PRIM2: variants seen among roughly 807,000 people sequenced by gnomAD.
The protein encoded by PRIM2 is DNA primase subunit 2, also known as DNA primase large subunit.
In PRIM2, 39 loss-of-function variants were observed where a neutral mutation model predicts 67.3. The ratio of observed to expected loss-of-function variants is 0.58; its 90% CI spans 0.45 to 0.76. PRIM2 has a LOEUF of 0.76. Ranked by LOEUF, PRIM2 falls within the 30% of genes least tolerant of loss-of-function variation. The pLI is 0.00. For missense variants in PRIM2, 398 were observed against 598.7 expected (o/e 0.66, Z 3.50); for synonymous variants, 143 against 198.7 (o/e 0.72, Z 2.36).
intron 7 of PRIM2, among the ~76,000 whole-genome samples, chr6:57,486,274 A>T (rs1162584886): frequency 1.3e-5 from 2 of 152,114 alleles, no homozygotes; most frequent in Non-Finnish European, 2.9e-5. Flanking sequence ...CCATTTATGC[A>T]TAGTGTTCCA....
intron 13 of PRIM2, among the ~76,000 whole-genome samples, chr6:57,635,644 T>A (rs1479494861): frequency 1.3e-5 from 2 of 152,192 alleles, no homozygotes; most frequent in African/African-American, 4.8e-5. Flanking sequence ...AGAGAAATCT[T>A]ATTAAAACTT....
intron 10 of PRIM2, among the ~76,000 whole-genome samples, chr6:57,586,182 A>G (rs1158478764): frequency 3.9e-5 from 6 of 152,362 alleles, no homozygotes; most frequent in African/African-American, 1.4e-4. Flanking sequence ...AGCGAGATCC[A>G]TTCCAGTTGG....
At chr6:57,473,096 C>G (rs1260731976) in intron 7 of PRIM2, among the ~76,000 whole-genome samples, 1 of 152,194 alleles carries the variant, frequency 6.6e-6, no homozygotes, top group African/African-American at 2.4e-5. Context: ...TAAATTCTCC[C>G]TTTGAAGAAG....
At chr6:57,577,334 G>A (rs1775981348) in intron 10 of PRIM2, among the ~76,000 whole-genome samples, 1 of 151,872 alleles carries the variant, frequency 6.6e-6, no homozygotes. Flanking sequence ...TTCCTAGGCT[G>A]TAAAATAGGG....
chr6:57,428,434 AT>A (rs1771704067), intron 7 of PRIM2, among the ~76,000 whole-genome samples: 1 of 152,234 alleles, frequency 6.6e-6, no homozygotes, highest in African/African-American at 2.4e-5. Flanking sequence ...TCAAATCCTC[AT>A]GTAAATATAC....
intron 11 of PRIM2, among the ~76,000 whole-genome samples, chr6:57,602,196 A>G (rs1185611451): frequency 2.0e-5 from 3 of 151,670 alleles, no homozygotes; most frequent in Non-Finnish European, 2.9e-5. Context: ...TGTAGCTAGG[A>G]TTACAGGCAC....
At chr6:57,336,579 T>G (rs1013007066) in intron 5 of PRIM2, among the ~76,000 whole-genome samples, 3 of 152,100 alleles carry the variant, frequency 2.0e-5, no homozygotes, top group African/African-American at 7.2e-5. Context: ...AAAAGAATTT[T>G]CAACCCAGAA....
the PRIM2 span, among the ~76,000 whole-genome samples, chr6:57,269,514 T>C: frequency 2.0e-3 from 312 of 152,358 alleles, no homozygotes; most frequent in Non-Finnish European, 5.4e-4. Flanking sequence ...GAGTTCATTG[T>C]AGATTCTGGA....
intron 9 of PRIM2, among the ~76,000 whole-genome samples, chr6:57,533,169 G>A (rs1774928556): frequency 6.6e-6 from 1 of 151,830 alleles, no homozygotes. Flanking sequence ...ATCCAGTGTA[G>A]GCTACGAGAT....
intron 5 of PRIM2, among the ~76,000 whole-genome samples, chr6:57,359,389 A>G (rs1451235049): frequency 6.6e-6 from 1 of 152,234 alleles, no homozygotes; most frequent in Non-Finnish European, 1.5e-5. Flanking sequence ...TCACGGTGCC[A>G]TACATGAGAG....
chr6:57,352,494 C>T (rs1768889373), intron 5 of PRIM2, among the ~76,000 whole-genome samples: 1 of 152,164 alleles, frequency 6.6e-6, no homozygotes, highest in Non-Finnish European at 1.5e-5. Flanking sequence ...CTGCTTCGGC[C>T]TCCCAAAGAG....
At chr6:57,620,840 C>G (rs1327899547) in intron 12 of PRIM2, among the ~76,000 whole-genome samples, 3 of 152,264 alleles carry the variant, frequency 2.0e-5, no homozygotes, top group Non-Finnish European at 4.4e-5. Context: ...GGAGACTAAC[C>G]TAACACATAA....
chr6:57,449,272 GA>G (rs1772459198), intron 7 of PRIM2, among the ~76,000 whole-genome samples: 1 of 152,050 alleles, frequency 6.6e-6, no homozygotes, highest in Non-Finnish European at 1.5e-5. Flanking sequence ...AAAGAATTAT[GA>G]TCAAATAATT....
At chr6:57,470,693 T>C (rs1773317307) in intron 7 of PRIM2, among the ~76,000 whole-genome samples, 1 of 151,942 alleles carries the variant, frequency 6.6e-6, no homozygotes, top group Non-Finnish European at 1.5e-5. Context: ...TGGTAGATAT[T>C]CTAATTTGGT....
chr6:57,603,589 T>C (rs1206608014), intron 11 of PRIM2, among the ~76,000 whole-genome samples: 3 of 152,052 alleles, frequency 2.0e-5, no homozygotes, highest in Non-Finnish European at 2.9e-5. Context: ...AATAGCCTTA[T>C]AGTATAGTTT....
chr6:57,546,500 GA>G (rs1212030652), intron 10 of PRIM2, among the ~76,000 whole-genome samples: 2 of 151,598 alleles, frequency 1.3e-5, no homozygotes, highest in East Asian at 3.9e-4. Flanking sequence ...GGAATGAGGG[GA>G]AAGTACACAA....
intron 7 of PRIM2, among the ~76,000 whole-genome samples, chr6:57,462,269 C>A (rs1773033863): frequency 2.0e-5 from 3 of 152,132 alleles, no homozygotes; most frequent in Admixed American, 2.0e-4. Context: ...CCTATCTCTA[C>A]AAAAATCGAG....
upstream of PRIM2, among the ~76,000 whole-genome samples, chr6:57,310,491 T>C (rs1398214599): frequency 2.0e-5 from 3 of 152,370 alleles, no homozygotes; most frequent in Non-Finnish European, 2.9e-5. Context: ...CTCTTTCTTT[T>C]CCCCGCATTT....
Position 57,471,077 on chromosome 6 carries a change from T to TAAAAAA in PRIM2, c.694-36310_694-36309insAAAAAA, listed in dbSNP as rs1773326155. Among the ~76,000 whole-genome samples the TAAAAAA allele has an allele frequency of 5.3e-5, 8 of 151,754 alleles. No homozygotes were observed. The South Asian group carries it at 8.3e-4, about 16-fold the overall frequency. ...TGACACAGATTTATAATGTTAGATA[T>TAAAAAA]TAGGGATACTTATTTTTTTTTTTCC... On this transcript the variant is annotated intron_variant, in intron 7 of 13. Transcript: ENST00000615550.
Sources: allele counts gnomAD v4.1 joint callset (sites outside exome capture counted in the v4.1 genomes callset), GRCh38; gene constraint gnomAD v4.1.1; transcripts MANE v1.5; gene names NCBI Gene and HGNC (gene_info 2026-07-23, HGNC 2026-07-21).